Variants in CSMD1 observed in about 807,000 individuals in gnomAD.
CSMD1 encodes CUB and Sushi multiple domains 1.
In CSMD1, 213 loss-of-function variants were observed where a neutral mutation model predicts 417.5. The observed-to-expected ratio is 0.51, with a 90% CI of 0.46 to 0.57. The LOEUF is 0.57. Ranked by LOEUF, CSMD1 falls within the 20% of genes least tolerant of loss-of-function variation. CSMD1 has a pLI of 0.00. For synonymous variants in CSMD1, 2,862 were observed against 1,736.8 expected, an observed-to-expected ratio of 1.65 and a Z score of -16.11; for missense variants, 6,923 against 4,529.7, an observed-to-expected ratio of 1.53 and a Z score of -15.17.
intron 3 of CSMD1, among the ~76,000 whole-genome samples, chr8:4,095,871 C>T (rs867375997): frequency 6.6e-6 from 1 of 152,154 alleles, no homozygotes; most frequent in Admixed American, 6.5e-5. Context: ...GAAAGCTAAA[C>T]TATCAATGTT....
chr8:3,259,200 A>G (rs1476078915), intron 26 of CSMD1, among the ~76,000 whole-genome samples: 3 of 152,238 alleles, frequency 2.0e-5, no homozygotes, highest in Non-Finnish European at 4.4e-5. Context: ...GGTATTAACA[A>G]AGACACCTAA....
intron 1 of CSMD1, among the ~76,000 whole-genome samples, chr8:4,670,899 T>C (rs977101721): frequency 3.3e-5 from 5 of 152,186 alleles, no homozygotes; most frequent in East Asian, 1.9e-4. Flanking sequence ...AACAAGGAAA[T>C]TTTAGTGACA....
At chr8:3,673,064 G>A (rs1479967998) in intron 7 of CSMD1, among the ~76,000 whole-genome samples, 1 of 152,114 alleles carries the variant, frequency 6.6e-6, no homozygotes, top group Non-Finnish European at 1.5e-5. Flanking sequence ...CGGTATGATT[G>A]ATATACTGTA....
intron 3 of CSMD1, among the ~76,000 whole-genome samples, chr8:4,403,414 G>C (rs80345415): frequency 0.017 from 2,541 of 152,210 alleles, 40 homozygotes; most frequent in East Asian, 0.022. Context: ...AACCACAGAA[G>C]TAAGAGTTTC....
chr8:3,952,966 C>A (rs1345393941), intron 5 of CSMD1, among the ~76,000 whole-genome samples: 2 of 151,536 alleles, frequency 1.3e-5, no homozygotes, highest in African/African-American at 4.9e-5. Context: ...AACAACCTTC[C>A]AGAATACACT....
intron 5 of CSMD1, among the ~76,000 whole-genome samples, chr8:3,836,460 C>A (rs1802708777): frequency 6.6e-6 from 1 of 152,100 alleles, no homozygotes; most frequent in South Asian, 2.1e-4. Flanking sequence ...AATAGGGAAA[C>A]TGTAGAGGAG....
chr8:3,884,505 TCTC>T (rs1176892767), intron 5 of CSMD1, among the ~76,000 whole-genome samples: 1 of 152,104 alleles, frequency 6.6e-6, no homozygotes, highest in African/African-American at 2.4e-5. Flanking sequence ...ACACCTGGAT[TCTC>T]CTCCTTCGGG....
At position 3,858,367 on chromosome 8, in the gene CSMD1, G is replaced by C. The variant is rs565732552; in HGVS notation, c.819-104325C>G. Reference sequence around the variant, plus strand: ...CTTAAAATATTTCATGCTTGACCTTGGTTTTATAACAATGATTTAAAATGA... The same window carrying C: ...CTTAAAATATTTCATGCTTGACCTTCGTTTTATAACAATGATTTAAAATGA... On this transcript the variant is annotated intron_variant, in intron 5 of 69. Coordinates refer to ENST00000635120, the MANE Select transcript of CSMD1 (RefSeq NM_033225.6). Among the ~76,000 whole-genome samples the C allele has an allele frequency of 2.0e-5, 3 of 152,080 alleles. No homozygotes were observed. In the South Asian group the frequency reaches 6.2e-4, roughly 32 times the overall value.
At chr8:4,658,972 G>A (rs1290519573) in intron 1 of CSMD1, among the ~76,000 whole-genome samples, 3 of 152,080 alleles carry the variant, frequency 2.0e-5, no homozygotes, top group Non-Finnish European at 4.4e-5. Context: ...AATGTCTGTG[G>A]TAACCACGAA....
intron 3 of CSMD1, among the ~76,000 whole-genome samples, chr8:4,083,714 G>A (rs1338329370): frequency 3.3e-5 from 5 of 152,150 alleles, no homozygotes; most frequent in African/African-American, 7.2e-5. Flanking sequence ...AGACTTAAAC[G>A]TTAGACCTAA....
At chr8:3,739,688 G>A (rs574228970) in intron 6 of CSMD1, among the ~76,000 whole-genome samples, 2 of 152,148 alleles carry the variant, frequency 1.3e-5, no homozygotes, top group Non-Finnish European at 2.9e-5. Flanking sequence ...TTGTAAGACT[G>A]TACCACATGG....
At chr8:4,158,089 C>G (rs924955348) in intron 3 of CSMD1, among the ~76,000 whole-genome samples, 5 of 142,014 alleles carry the variant, frequency 3.5e-5, no homozygotes, top group African/African-American at 1.3e-4. Flanking sequence ...CAAGAAAACC[C>G]TTTTTTTTTT....
rs371635862 is a variant in CSMD1, at chr8:3,230,250, G to A, written c.4154-19C>T. Reference sequence around the variant, plus strand: ...ATTGAGGCTGCAAACAAAAGAGAAGGCAAGGTCACAGGCTGGAAAACATGG... The same window carrying A: ...ATTGAGGCTGCAAACAAAAGAGAAGACAAGGTCACAGGCTGGAAAACATGG... On this transcript the variant is annotated intron_variant, in intron 26 of 69. Coordinates refer to ENST00000635120, the MANE Select transcript of CSMD1 (RefSeq NM_033225.6). The A allele has an allele frequency of 3.2e-6, 5 of 1,547,550 alleles. No homozygotes were observed. The highest frequency in any genetic ancestry group is 2.3e-5 in the East Asian group (1 of 43,422).
intron 5 of CSMD1, among the ~76,000 whole-genome samples, chr8:3,808,847 G>A (rs1326515155): frequency 1.3e-5 from 2 of 152,174 alleles, no homozygotes; most frequent in Non-Finnish European, 2.9e-5. Context: ...CCAAAGGAAA[G>A]CGCAGCCCTT....
chr8:4,041,068 G>C (rs1312528660), intron 3 of CSMD1, among the ~76,000 whole-genome samples: 29 of 139,794 alleles, frequency 2.1e-4, no homozygotes, highest in Non-Finnish European at 4.1e-4. Flanking sequence ...CCAGGCTGGA[G>C]TGCAGTGGCG....
intron 1 of CSMD1, among the ~76,000 whole-genome samples, chr8:4,684,310 T>C (rs1359116339): frequency 6.6e-6 from 1 of 152,202 alleles, no homozygotes; most frequent in East Asian, 1.9e-4. Flanking sequence ...TTGGTAAAAA[T>C]CGGTTTTCTG....
intron 3 of CSMD1, among the ~76,000 whole-genome samples, chr8:4,050,041 G>C (rs949244455): frequency 2.0e-5 from 3 of 152,136 alleles, no homozygotes; most frequent in African/African-American, 7.2e-5. Flanking sequence ...CAGATATTCT[G>C]TGGAATGTCC....
intron 2 of CSMD1, among the ~76,000 whole-genome samples, chr8:4,518,880 G>A (rs922815185): frequency 6.6e-6 from 1 of 152,036 alleles, no homozygotes; most frequent in East Asian, 1.9e-4. Context: ...ACTCTTCAAA[G>A]GTTTTCAAGT....
intron 3 of CSMD1, among the ~76,000 whole-genome samples, chr8:4,096,112 C>G (rs549461962): frequency 5.9e-5 from 9 of 152,078 alleles, no homozygotes; most frequent in Admixed American, 5.9e-4. Context: ...TTGGATGGTT[C>G]CTCAAAAACA....
Sources: gnomAD v4.1 joint callset for allele counts (sites outside exome capture counted in the v4.1 genomes callset) on GRCh38, gnomAD v4.1.1 for gene constraint, MANE v1.5 for transcripts, NCBI Gene and HGNC (gene_info 2026-07-23, HGNC 2026-07-21) for gene names.